The following KIF27 variants were observed in gnomAD, a reference collection of about 807,000 sequenced individuals.
KIF27 encodes kinesin-like protein KIF27.
KIF27 carries 84 observed loss-of-function variants against 141.8 expected under a neutral mutation model. The observed-to-expected ratio is 0.59, with a 90% CI of 0.50 to 0.71. KIF27 has a LOEUF of 0.71. Among genes scored for constraint, KIF27 ranks in the 30% least tolerant of loss-of-function variants. The pLI, the probability that KIF27 is intolerant of heterozygous loss-of-function variation, is 0.00. For missense variants in KIF27, 1,306 were observed against 1,628.4 expected, an observed-to-expected ratio of 0.80 and a Z score of 3.41; for synonymous variants, 471 against 569.5, an observed-to-expected ratio of 0.83 and a Z score of 2.46.
At chr9:83,892,570 A>C (rs1369891282) in intron 5 of KIF27, among the ~76,000 whole-genome samples, 1 of 152,154 alleles carries the variant, frequency 6.6e-6, no homozygotes, top group Non-Finnish European at 1.5e-5. Context: ...TTTTTACCAA[A>C]ACAGTAATTA....
chr9:83,916,965 A>G (rs1345475103), intron 1 of KIF27, among the ~76,000 whole-genome samples: 1 of 151,888 alleles, frequency 6.6e-6, no homozygotes, highest in Non-Finnish European at 1.5e-5. Context: ...GCACGACAGA[A>G]CACTCTTTTT....
At chr9:83,859,635 G>GATT (rs1328220666) in intron 13 of KIF27, 4 of 359,752 alleles carry the variant, frequency 1.1e-5, no homozygotes. Context: ...AGGTTCAAGC[G>GATT]ATTCTCCTGC....
At chr9:83,881,285 G>A (rs1951655915) in intron 10 of KIF27, among the ~76,000 whole-genome samples, 1 of 152,314 alleles carries the variant, frequency 6.6e-6, no homozygotes, top group Non-Finnish European at 1.5e-5. Context: ...AAACAAACAT[G>A]TATTAAACTT....
intron 3 of KIF27, among the ~76,000 whole-genome samples, chr9:83,905,270 C>G (rs1019924181): frequency 6.6e-6 from 1 of 152,130 alleles, no homozygotes; most frequent in Non-Finnish European, 1.5e-5. Flanking sequence ...AGGCGCCCAC[C>G]ACCACGCCTG....
chr9:83,848,027 C>CTACA (rs1225834001), intron 16 of KIF27: 6 of 105,120 alleles, frequency 5.7e-5, no homozygotes, highest in South Asian at 2.8e-4. Context: ...TATGCTATAT[C>CTACA]TATATCTATA....
At chr9:83,853,208 A>T (rs1342638181) in intron 15 of KIF27, among the ~76,000 whole-genome samples, 2 of 152,044 alleles carry the variant, frequency 1.3e-5, no homozygotes, top group African/African-American at 4.8e-5. Context: ...TTCAACTCAT[A>T]CATGATGAGA....
intron 1 of KIF27, among the ~76,000 whole-genome samples, chr9:83,916,970 C>CT (rs896924162): frequency 1.3e-4 from 20 of 149,754 alleles, no homozygotes; most frequent in Admixed American, 2.7e-4. Flanking sequence ...ACAGAACACT[C>CT]TTTTTTTTTT....
chr9:83,909,003 A>G (rs1954866336), intron 2 of KIF27, among the ~76,000 whole-genome samples: 1 of 152,198 alleles, frequency 6.6e-6, no homozygotes, highest in African/African-American at 2.4e-5. Flanking sequence ...TTATTCATGT[A>G]TTCATTGAAC....
chr9:83,919,912 C>G (rs1292373434), intron 1 of KIF27, among the ~76,000 whole-genome samples: 1 of 151,222 alleles, frequency 6.6e-6, no homozygotes, highest in East Asian at 1.9e-4. Flanking sequence ...ATAAAGGCAA[C>G]TGAAACTTAT....
chr9:83,834,874 A>G lies in KIF27; in HGVS notation c.*2127T>C, dbSNP rs1027538568. On this transcript the variant is annotated 3_prime_UTR_variant, in exon 18 of 18. Transcript: ENST00000297814. ...TAAAATATGATATGAAATAATATAA[A>G]GTGAAATAATGTAAAATGTATAACC... Among the ~76,000 whole-genome samples, 1 of 148,934 alleles carries G rather than the reference A, an allele frequency of 6.7e-6. No individual in the cohort carries two copies. Among genetic ancestry groups the G allele is most frequent in the Non-Finnish European group, 1.5e-5 (1 of 67,432 alleles).
At chr9:83,916,567 T>A (rs1955700608) in intron 1 of KIF27, among the ~76,000 whole-genome samples, 2 of 152,196 alleles carry the variant, frequency 1.3e-5, no homozygotes, top group South Asian at 4.1e-4. Flanking sequence ...AGATCTCTGC[T>A]AGAATTAATA....
intron 11 of KIF27, among the ~76,000 whole-genome samples, chr9:83,870,901 T>A (rs183480556): frequency 8.0e-4 from 122 of 152,070 alleles, no homozygotes; most frequent in African/African-American, 2.7e-3. Context: ...AAATAATGTG[T>A]GGATTTTTTT....
chr9:83,837,449 C>T lies in KIF27; in HGVS notation c.3758G>A (p.Gly1253Glu). The T allele has an allele frequency of 6.2e-7, 1 of 1,613,430 alleles. No homozygotes were observed. The highest frequency in any genetic ancestry group is 8.5e-7 in the Non-Finnish European group (1 of 1,179,704). Residue 1253 changes from glycine to glutamate, a missense_variant, in exon 18 of 18, where the codon GGA (glycine) becomes GAA (glutamate). Coordinates refer to ENST00000297814, the MANE Select transcript of KIF27 (RefSeq NM_017576.4). ...TAATTCTTCTGAAAGCATGCCTCCT[C>T]CTTCTGGCTTCAGGACTCCATCTCC... ...EAGDGVLKPEGGGMLSEELKW... is the reference protein window; with the variant it reads ...EAGDGVLKPEEGGMLSEELKW...
intron 5 of KIF27, among the ~76,000 whole-genome samples, chr9:83,898,288 T>C (rs1456172586): frequency 6.6e-6 from 1 of 152,102 alleles, no homozygotes; most frequent in Admixed American, 6.5e-5. Flanking sequence ...TATTAGAATT[T>C]ACAGAAAAAA....
chr9:83,866,760 G>A (rs570615261), intron 13 of KIF27, among the ~76,000 whole-genome samples: 6 of 151,966 alleles, frequency 3.9e-5, no homozygotes, highest in South Asian at 4.2e-4. Context: ...CCTGTAGTCC[G>A]AGCTACTCGG....
intron 3 of KIF27, among the ~76,000 whole-genome samples, chr9:83,908,203 A>C (rs1954760465): frequency 6.7e-6 from 1 of 149,554 alleles, no homozygotes. Context: ...TAGAGGTTGC[A>C]GTGAGCCAAG....
chr9:83,918,538 T>C (rs747886512), intron 1 of KIF27, among the ~76,000 whole-genome samples: 6 of 152,158 alleles, frequency 3.9e-5, no homozygotes, highest in Non-Finnish European at 7.4e-5. Flanking sequence ...AAATTTTAAA[T>C]AGGCAAAGCA....
chr9:83,921,314 G>A (rs1228967074), intron 1 of KIF27, 57 bp downstream of exon 1: 1 of 134,322 alleles, frequency 7.4e-6, no homozygotes, highest in Admixed American at 7.7e-5. Flanking sequence ...GGCGGGCACC[G>A]CGAAGGGAGG....
At chr9:83,838,218 C>G (rs1200036371) in intron 17 of KIF27, among the ~76,000 whole-genome samples, 1 of 150,466 alleles carries the variant, frequency 6.6e-6, no homozygotes, top group Non-Finnish European at 1.5e-5. Context: ...ACTTTCAGTC[C>G]TGCAAAGACA....
Sources: allele counts gnomAD v4.1 joint callset (sites outside exome capture counted in the v4.1 genomes callset), GRCh38; gene constraint gnomAD v4.1.1; transcripts MANE v1.5; gene names NCBI Gene and HGNC (gene_info 2026-07-23, HGNC 2026-07-21).